PTPRK: variants seen among roughly 807,000 people sequenced by gnomAD.
PTPRK encodes receptor-type tyrosine-protein phosphatase kappa.
In PTPRK, 75 loss-of-function variants were observed where a neutral mutation model predicts 178.0. That is an observed-to-expected ratio of 0.42 (90% confidence interval 0.35 to 0.51). The LOEUF (loss-of-function observed/expected upper bound fraction) is 0.51, where lower values mean the gene tolerates loss of function less well. PTPRK is among the 20% of genes least tolerant of loss of function. The pLI is 0.02. For synonymous variants in PTPRK, 637 were observed against 620.6 expected, an observed-to-expected ratio of 1.03 and a Z score of -0.39; for missense variants, 1,441 against 1,797.8, an observed-to-expected ratio of 0.80 and a Z score of 3.59.
intron 27 of PTPRK, 143 bp from the exon 28 acceptor site, chr6:127,973,970 G>T: frequency 1.4e-6 from 1 of 711,168 alleles, no homozygotes; most frequent in Non-Finnish European, 2.1e-6. Flanking sequence ...GTACATGCTA[G>T]TAAAAAAACA....
chr6:128,389,657 C>G (rs943396896), intron 2 of PTPRK, among the ~76,000 whole-genome samples: 1 of 151,792 alleles, frequency 6.6e-6, no homozygotes, highest in Non-Finnish European at 1.5e-5. Context: ...ACTATATAGT[C>G]TTTGAAATTG....
At chr6:128,084,187 TC>T (rs1273034942) in intron 8 of PTPRK, among the ~76,000 whole-genome samples, 1 of 152,088 alleles carries the variant, frequency 6.6e-6, no homozygotes, top group Non-Finnish European at 1.5e-5. Flanking sequence ...GAGCTGTATT[TC>T]CCCAAAGATT....
At chr6:128,294,492 T>C (rs1451174200) in intron 3 of PTPRK, among the ~76,000 whole-genome samples, 1 of 152,096 alleles carries the variant, frequency 6.6e-6, no homozygotes, top group African/African-American at 2.4e-5. Flanking sequence ...TTTCACAGAC[T>C]CTAGCATCTT....
At chr6:128,197,025 G>C (rs970304265) in intron 6 of PTPRK, among the ~76,000 whole-genome samples, 4 of 151,818 alleles carry the variant, frequency 2.6e-5, no homozygotes, top group African/African-American at 9.7e-5. Context: ...AAACATTATA[G>C]AAAAAAGAAG....
intron 7 of PTPRK, among the ~76,000 whole-genome samples, chr6:128,118,846 C>T (rs1791990175): frequency 1.3e-5 from 2 of 152,148 alleles, no homozygotes; most frequent in African/African-American, 4.8e-5. Flanking sequence ...CATTCACTTT[C>T]CTTAGGTTTA....
chr6:128,304,111 G>A (rs1455962878), intron 3 of PTPRK, among the ~76,000 whole-genome samples: 1 of 152,176 alleles, frequency 6.6e-6, no homozygotes, highest in Non-Finnish European at 1.5e-5. Flanking sequence ...ACCAAGAGAG[G>A]CACAGTAGTG....
intron 5 of PTPRK, among the ~76,000 whole-genome samples, chr6:128,224,064 T>C (rs1379096720): frequency 6.6e-6 from 1 of 152,194 alleles, no homozygotes; most frequent in Non-Finnish European, 1.5e-5. Flanking sequence ...AAAATAACTT[T>C]TCCTTTTATA....
At chr6:128,045,330 T>G (rs1424285304) in intron 13 of PTPRK, among the ~76,000 whole-genome samples, 5 of 151,990 alleles carry the variant, frequency 3.3e-5, no homozygotes, top group African/African-American at 1.2e-4. Context: ...CTATTTACAG[T>G]AATGACAATA....
intron 13 of PTPRK, among the ~76,000 whole-genome samples, chr6:128,055,395 C>T (rs2114891466): frequency 6.6e-6 from 1 of 152,164 alleles, no homozygotes. Context: ...TTTAAATATG[C>T]TTAAGACCTA....
intron 7 of PTPRK, among the ~76,000 whole-genome samples, chr6:128,142,377 A>T (rs1197385600): frequency 2.6e-5 from 4 of 152,008 alleles, no homozygotes; most frequent in Non-Finnish European, 5.9e-5. Flanking sequence ...GATTAAGTGT[A>T]ATGAAGTAAA....
chr6:128,175,288 C>A (rs1177081220), intron 7 of PTPRK, among the ~76,000 whole-genome samples: 1 of 151,788 alleles, frequency 6.6e-6, no homozygotes, highest in Non-Finnish European at 1.5e-5. Context: ...TGCACTAAAA[C>A]CATATGATTG....
intron 6 of PTPRK, among the ~76,000 whole-genome samples, chr6:128,214,164 A>G (rs551392476): frequency 6.6e-6 from 1 of 152,308 alleles, no homozygotes; most frequent in African/African-American, 2.4e-5. Flanking sequence ...CTACAATTAC[A>G]GTAAAAGCAG....
At chr6:128,300,147 G>T (rs966562387) in intron 3 of PTPRK, among the ~76,000 whole-genome samples, 1 of 152,068 alleles carries the variant, frequency 6.6e-6, no homozygotes, top group African/African-American at 2.4e-5. Flanking sequence ...GCCAACAGAG[G>T]AATGCAAATC....
intron 2 of PTPRK, among the ~76,000 whole-genome samples, chr6:128,330,608 A>G (rs1257005201): frequency 6.6e-6 from 1 of 152,206 alleles, no homozygotes; most frequent in Non-Finnish European, 1.5e-5. Context: ...GAGGACAAAT[A>G]GAATGGAATC....
At chr6:128,453,399 G>A (rs1266718034) in intron 1 of PTPRK, among the ~76,000 whole-genome samples, 2 of 152,104 alleles carry the variant, frequency 1.3e-5, no homozygotes, top group Admixed American at 1.3e-4. Flanking sequence ...TTTAGCTTCT[G>A]TTGCATTAGG....
At chr6:128,228,824 T>C (rs1195074337) in intron 5 of PTPRK, among the ~76,000 whole-genome samples, 1 of 152,142 alleles carries the variant, frequency 6.6e-6, no homozygotes, top group Non-Finnish European at 1.5e-5. Context: ...GAAACAATTA[T>C]TTGCATATCT....
intron 6 of PTPRK, among the ~76,000 whole-genome samples, chr6:128,196,024 T>C (rs34439155): frequency 0.056 from 8,591 of 152,142 alleles, 344 homozygotes; most frequent in Non-Finnish European, 0.086. Context: ...TGACTTTAGG[T>C]AAGCTATCCT....
At chr6:128,308,108 C>A (rs368911821) in intron 3 of PTPRK, among the ~76,000 whole-genome samples, 1 of 151,654 alleles carries the variant, frequency 6.6e-6, no homozygotes, top group East Asian at 1.9e-4. Flanking sequence ...ATGATTACCA[C>A]TACATAAACC....
At chr6:128,155,237 T>C (rs1797800002) in intron 7 of PTPRK, among the ~76,000 whole-genome samples, 1 of 151,758 alleles carries the variant, frequency 6.6e-6, no homozygotes, top group Admixed American at 6.6e-5. Flanking sequence ...CAAAAATATT[T>C]CGTAGGTGTC....
Sources: gnomAD v4.1 joint callset for allele counts (sites outside exome capture counted in the v4.1 genomes callset) on GRCh38, gnomAD v4.1.1 for gene constraint, MANE v1.5 for transcripts, NCBI Gene and HGNC (gene_info 2026-07-23, HGNC 2026-07-21) for gene names.